The following ZFP2 variants were observed in gnomAD, a reference collection of about 807,000 sequenced individuals.
The protein encoded by ZFP2 is ZFP2 zinc finger protein, also known as zinc finger protein ZFP2.
A neutral mutation model predicts 36.1 loss-of-function variants in ZFP2; 33 were observed. The observed-to-expected ratio is 0.92, with a 90% CI of 0.69 to 1.22. The LOEUF (loss-of-function observed/expected upper bound fraction) is 1.22. Ranked by LOEUF, ZFP2 falls within the 50% of genes most tolerant of loss-of-function variation. The pLI is 0.00. For missense variants in ZFP2, 522 were observed against 551.4 expected, an observed-to-expected ratio of 0.95 and a Z score of 0.53; for synonymous variants, 170 against 178.0, an observed-to-expected ratio of 0.96 and a Z score of 0.36.
At chr5:178,903,985 A>G (rs1030108893) in intron 1 of ZFP2, among the ~76,000 whole-genome samples, 1 of 152,062 alleles carries the variant, frequency 6.6e-6, no homozygotes, top group African/African-American at 2.4e-5. Flanking sequence ...GTGAGACTCC[A>G]TCTCCAAAAA....
At chr5:178,902,279 C>CT (rs1272314659) in intron 1 of ZFP2, among the ~76,000 whole-genome samples, 6 of 152,326 alleles carry the variant, frequency 3.9e-5, no homozygotes, top group East Asian at 1.9e-4. Flanking sequence ...CCATTTCACT[C>CT]TAAGTGTCCG....
At chr5:178,896,059 G>A (rs1757927550) in intron 1 of ZFP2, 85 bp downstream of exon 1, 1 of 152,364 alleles carries the variant, frequency 6.6e-6, no homozygotes, top group South Asian at 2.1e-4. Flanking sequence ...TGCGGGGCGA[G>A]GCCCCAGCTT....
At chr5:178,902,284 T>C (rs1758074473) in intron 1 of ZFP2, among the ~76,000 whole-genome samples, 1 of 152,242 alleles carries the variant, frequency 6.6e-6, no homozygotes. Flanking sequence ...TCACTCTAAG[T>C]GTCCGTGTGT....
chr5:178,919,808 A>G (rs931680519), intron 4 of ZFP2, among the ~76,000 whole-genome samples: 1 of 152,124 alleles, frequency 6.6e-6, no homozygotes, highest in African/African-American at 2.4e-5. Context: ...CAAAAAATAC[A>G]AAACTACCTG....
intron 4 of ZFP2, among the ~76,000 whole-genome samples, chr5:178,921,665 C>G (rs959186207): frequency 6.7e-6 from 1 of 149,548 alleles, no homozygotes. Context: ...CCTGGAGAAC[C>G]TCCTCTGCCT....
At chr5:178,919,675 T>C (rs1758512388) in intron 4 of ZFP2, among the ~76,000 whole-genome samples, 1 of 152,182 alleles carries the variant, frequency 6.6e-6, no homozygotes, top group Non-Finnish European at 1.5e-5. Flanking sequence ...AGAATTTAAT[T>C]ATGGCTGGGC....
chr5:178,931,235 A>G lies in ZFP2; in HGVS notation c.-77-2A>G. 3 of 1,498,838 alleles carry G rather than the reference A, an allele frequency of 2.0e-6. No homozygotes were observed. The South Asian group carries it at 4.3e-5, about 21-fold the overall frequency. 92.8% of individuals were successfully genotyped at this position (1,498,838 alleles called of 1,614,324 possible). ...TGCATTTGAATTTTTTTTTTTTTTC[A>G]GACTGGGAGACAAGACTTGAAACCA... On this transcript the variant is annotated splice_acceptor_variant, in intron 4 of 4. Coordinates refer to ENST00000361362, the MANE Select transcript of ZFP2 (RefSeq NM_030613.4). LOFTEE classifies it low-confidence loss of function (5UTR_SPLICE).
At position 178,921,973 on chromosome 5, in the gene ZFP2, T is replaced by C. The variant is rs61038689; in HGVS notation, c.-78+5263T>C. The C allele has an allele frequency of 8.2e-4, 471 of 577,088 alleles. 16 individuals carry two copies. The highest frequency in any genetic ancestry group is 7.7e-3 in the African/African-American group (416 of 54,044). 35.7% of individuals were successfully genotyped at this position (577,088 alleles called of 1,614,324 possible). ...TAACTTCTTAAGGTGGAAACATAGG[T>C]CACAGATTATGGGCCATTCTTATTT... On this transcript the variant is annotated intron_variant, in intron 4 of 4. Coordinates refer to ENST00000361362, the MANE Select transcript of ZFP2 (RefSeq NM_030613.4).
At chr5:178,907,855 T>C (rs569321746) in intron 1 of ZFP2, among the ~76,000 whole-genome samples, 4 of 152,328 alleles carry the variant, frequency 2.6e-5, no homozygotes, top group African/African-American at 9.6e-5. Flanking sequence ...TAGCACTGCT[T>C]TCTCTGCATT....
In ZFP2 at chr5:178,932,653, T is replaced by G. The variant is rs769942769; in HGVS notation, c.1340T>G (p.Phe447Cys). The change falls in exon 5 of 5, where the codon TTC (phenylalanine) becomes TGC (cysteine). Residue 447 changes from phenylalanine to cysteine, a missense_variant. Coordinates refer to ENST00000361362, the MANE Select transcript of ZFP2 (RefSeq NM_030613.4). ...CAGTGTAATGAATGCGGAAAAGCCT[T>G]CAGCCGGAGTACAAACCTTACACGA... Reference protein sequence around the residue: ...PYQCNECGKAFSRSTNLTRHQ... With the variant: ...PYQCNECGKACSRSTNLTRHQ... 6.8e-6 allele frequency: 11 copies of G among 1,612,904 alleles called. No homozygotes were observed. The highest frequency in any genetic ancestry group is 9.3e-6 in the Non-Finnish European group (11 of 1,179,458).
chr5:178,922,627 C>T lies in ZFP2; in HGVS notation c.-78+5917C>T, dbSNP rs573173002. 1.4e-4 allele frequency: 215 copies of T among 1,585,758 alleles called. 11 individuals are homozygous for T. The East Asian group carries it at 3.2e-3, about 24-fold the overall frequency. The stretch of plus-strand genomic sequence containing the variant: ...TGGCAGGTATGGCCCATCTCCTGTA[C>T]GCTTGGAGCGACCTTTGTCCACGTG... On this transcript the variant is annotated intron_variant, in intron 4 of 4. Transcript: ENST00000361362.
chr5:178,932,907 G>T lies in ZFP2; in HGVS notation c.*208G>T. The T allele has an allele frequency of 1.7e-6, 1 of 598,168 alleles. No homozygotes were observed. 37.1% of individuals were successfully genotyped at this position (598,168 alleles called of 1,614,324 possible). Reference sequence around the variant, plus strand: ...ATGTATAATTTCCTTTATATCAGAAGGTTTAAATAGCTAATATAAACAATG... The same window carrying T: ...ATGTATAATTTCCTTTATATCAGAATGTTTAAATAGCTAATATAAACAATG... On this transcript the variant is annotated 3_prime_UTR_variant, in exon 5 of 5. Transcript: ENST00000361362.
Position 178,912,573 on chromosome 5 carries a change from G to A in ZFP2, c.-449-11G>A. The A allele has an allele frequency of 2.2e-6, 2 of 904,818 alleles. No homozygotes were observed. Among genetic ancestry groups the A allele is most frequent in the Non-Finnish European group, 2.7e-6 (2 of 750,266 alleles). 56.0% of individuals were successfully genotyped at this position (904,818 alleles called of 1,614,324 possible). On this transcript the variant is annotated splice_polypyrimidine_tract_variant and intron_variant, in intron 1 of 4. Coordinates refer to ENST00000361362, the MANE Select transcript of ZFP2 (RefSeq NM_030613.4). Reference sequence around the variant, plus strand: ...TTTGGTTGGCATAATCCCTTATTGAGGAATTTTTAGTTTCAGGAGTCAGTG... The same window carrying A: ...TTTGGTTGGCATAATCCCTTATTGAAGAATTTTTAGTTTCAGGAGTCAGTG...
At chr5:178,916,477 T>C (rs1758434449) in intron 3 of ZFP2, 88 bp from the exon 4 acceptor site, 3 of 841,072 alleles carry the variant, frequency 3.6e-6, no homozygotes, top group Non-Finnish European at 4.3e-6. Context: ...TCCATTGCAG[T>C]GGGAGAAACT....
intron 1 of ZFP2, among the ~76,000 whole-genome samples, chr5:178,904,111 T>C (rs1407254911): frequency 1.3e-5 from 2 of 152,262 alleles, no homozygotes; most frequent in Non-Finnish European, 2.9e-5. Context: ...ATCTGGAATG[T>C]ATTGTCTGTG....
intron 1 of ZFP2, among the ~76,000 whole-genome samples, chr5:178,902,353 G>A (rs1006632670): frequency 5.9e-5 from 9 of 152,084 alleles, no homozygotes; most frequent in African/African-American, 1.7e-4. Context: ...AACTTACATC[G>A]ATACAATACT....
Position 178,909,579 on chromosome 5 carries a change from C to G in ZFP2, c.-449-3005C>G, listed in dbSNP as rs937646940. Reference sequence around the variant, plus strand: ...TAGCCCCCACGGCCTGGTGTTGAGTCTGATCACCCCAACAAAGGTGTGAAG... The same window carrying G: ...TAGCCCCCACGGCCTGGTGTTGAGTGTGATCACCCCAACAAAGGTGTGAAG... On this transcript the variant is annotated intron_variant, in intron 1 of 4. Coordinates refer to ENST00000361362, the MANE Select transcript of ZFP2 (RefSeq NM_030613.4). The G allele has an allele frequency of 9.5e-6, 8 of 838,092 alleles. No homozygotes were observed. The Admixed American group carries it at 3.1e-4, about 33-fold the overall frequency. The allele number at this position is 838,092 out of a possible 1,614,324, so 51.9% of individuals were successfully genotyped here.
chr5:178,905,162 T>A (rs894300761), intron 1 of ZFP2, among the ~76,000 whole-genome samples: 10 of 152,330 alleles, frequency 6.6e-5, no homozygotes, highest in Admixed American at 4.6e-4. Flanking sequence ...TTTCAAAGTG[T>A]GTAAGTCAGT....
intron 4 of ZFP2, among the ~76,000 whole-genome samples, chr5:178,919,887 C>T (rs1406450070): frequency 6.6e-6 from 1 of 152,006 alleles, no homozygotes; most frequent in Non-Finnish European, 1.5e-5. Context: ...TCGCTTGAAC[C>T]CAGGAGGTGA....
Sources: gnomAD v4.1 joint callset for allele counts (sites outside exome capture counted in the v4.1 genomes callset) on GRCh38, gnomAD v4.1.1 for gene constraint, MANE v1.5 for transcripts, NCBI Gene and HGNC (gene_info 2026-07-23, HGNC 2026-07-21) for gene names.